CCNT1: variants seen among roughly 807,000 people sequenced by gnomAD.
CCNT1 encodes the protein cyclin T1.
Under a neutral mutation model 67.3 loss-of-function variants are expected in CCNT1, and 18 were observed. The observed-to-expected ratio is 0.27, with a 90% CI of 0.18 to 0.40. The LOEUF (loss-of-function observed/expected upper bound fraction) is 0.40, where lower values mean the gene tolerates loss of function less well. Ranked by LOEUF, CCNT1 falls within the 10% of genes least tolerant of loss-of-function variation. CCNT1 has a pLI of 1.00. For synonymous variants in CCNT1, 333 were observed against 310.3 expected (o/e 1.07, Z -0.77); for missense variants, 744 against 884.9 (o/e 0.84, Z 2.02).
Position 48,699,843 on chromosome 12 carries a change from T to G in CCNT1, c.434-3A>C, listed in dbSNP as rs1476829512. 1 of 1,583,600 alleles carries G rather than the reference T, an allele frequency of 6.3e-7. No individual in the cohort carries two copies. The highest frequency in any genetic ancestry group is 1.4e-5 in the African/African-American group (1 of 74,030). On this transcript the variant is annotated splice_polypyrimidine_tract_variant and splice_region_variant and intron_variant, in intron 4 of 8. Transcript: ENST00000261900. ...GTGATCAATTGTTAGTTCAAAGCCT[T>G]AAAAGAAAAAGTAATGGATTAAAAA...
At chr12:48,702,600 T>C (rs531979944) in intron 3 of CCNT1, among the ~76,000 whole-genome samples, 3 of 152,254 alleles carry the variant, frequency 2.0e-5, no homozygotes, top group African/African-American at 4.8e-5. Context: ...CTGGCCAATA[T>C]GGTGAAACCC....
chr12:48,698,096 C>G, intron 6 of CCNT1, 42 bp downstream of exon 6: 1 of 1,342,800 alleles, frequency 7.4e-7, no homozygotes, highest in Non-Finnish European at 1.0e-6. Context: ...AAGTAAAGTC[C>G]TATACCAAAA....
intron 6 of CCNT1, 86 bp downstream of exon 6, chr12:48,698,052 C>T (rs1940205771): frequency 2.7e-6 from 2 of 738,830 alleles, no homozygotes; most frequent in Non-Finnish European, 4.2e-6. Context: ...CAACATTCAC[C>T]AGAGAATTAT....
intron 5 of CCNT1, among the ~76,000 whole-genome samples, chr12:48,698,951 C>T (rs4760741): frequency 0.024 from 3,640 of 149,002 alleles, 284 homozygotes; most frequent in Admixed American, 0.15. Flanking sequence ...AGCAAAACTC[C>T]GTCTCAAAAA....
chr12:48,707,943 G>T (rs891035153), intron 2 of CCNT1, among the ~76,000 whole-genome samples: 1 of 151,412 alleles, frequency 6.6e-6, no homozygotes, highest in Non-Finnish European at 1.5e-5. Flanking sequence ...CACCACTCAG[G>T]AGTCTTGTAG....
At chr12:48,705,290 G>A (rs897757345) in intron 3 of CCNT1, among the ~76,000 whole-genome samples, 1 of 151,600 alleles carries the variant, frequency 6.6e-6, no homozygotes, top group Non-Finnish European at 1.5e-5. Context: ...TTTTGTTGTT[G>A]TTGTTGTTGT....
intron 6 of CCNT1, among the ~76,000 whole-genome samples, chr12:48,697,047 TG>T (rs1373442826): frequency 6.6e-6 from 1 of 152,116 alleles, no homozygotes; most frequent in Non-Finnish European, 1.5e-5. Flanking sequence ...TTGGCCAGGT[TG>T]GTCTCGAACT....
At position 48,693,887 on chromosome 12, in the gene CCNT1, C is replaced by A. The variant is rs1161348111; in HGVS notation, c.1327G>T (p.Gly443Cys). ...SSVILKMPIE[G>C]SENPERPFLE... ...AAAGGCCGCTCGGGGTTTTCTGAAC[C>A]CTCTATGGGCATTTTTAGAATGACT... Residue 443 changes from glycine (G) to cysteine (C), a missense_variant, in exon 9 of 9, where the codon GGT becomes TGT. Physicochemically the swap from Gly to Cys is radical, Grantham distance 159 (BLOSUM62 -3). Transcript: ENST00000261900. 1.2e-6 allele frequency: 2 copies of A among 1,614,010 alleles called. No homozygotes were observed. Among genetic ancestry groups the A allele is most frequent in the Admixed American group, 3.3e-5 (2 of 60,012 alleles).
At chr12:48,705,281 T>TTTG (rs60219074) in intron 3 of CCNT1, among the ~76,000 whole-genome samples, 10,748 of 150,908 alleles carry the variant, frequency 0.071, 1,128 homozygotes, top group East Asian at 0.52. Context: ...CCAGTTGTTT[T>TTTG]TTGTTGTTGT....
At chr12:48,706,429 C>T (rs1006020234) in intron 2 of CCNT1, among the ~76,000 whole-genome samples, 9 of 152,122 alleles carry the variant, frequency 5.9e-5, no homozygotes, top group Admixed American at 1.3e-4. Flanking sequence ...TTTAAACAAA[C>T]GAATTTCATT....
At chr12:48,701,996 A>G (rs1940278550) in intron 3 of CCNT1, among the ~76,000 whole-genome samples, 1 of 151,998 alleles carries the variant, frequency 6.6e-6, no homozygotes, top group Admixed American at 6.6e-5. Context: ...TCCCAGGTTC[A>G]AGCGATTCTC....
Position 48,709,087 on chromosome 12 carries a change from T to TG in CCNT1, c.244-3192dup, listed in dbSNP as rs137985512. Among the ~76,000 whole-genome samples, 277 of 152,012 alleles carry TG rather than the reference T, an allele frequency of 1.8e-3. 8 individuals carry two copies. In the East Asian group the frequency reaches 0.043, roughly 24 times the overall value. On this transcript the variant is annotated intron_variant, in intron 2 of 8. Transcript: ENST00000261900. ...ACAGAGTAAAAACCTATCTTGGGGT[T>TG]GGGGGGGACTATAACTAACTGAACA...
In CCNT1 at chr12:48,693,548, G is replaced by A; in HGVS notation, c.1666C>T (p.His556Tyr). 1 of 1,614,194 alleles carries A rather than the reference G, an allele frequency of 6.2e-7. No homozygotes were observed. Among genetic ancestry groups the A allele is most frequent in the South Asian group, 1.1e-5 (1 of 91,080 alleles). ...GAACTAGACAAGCTATAGGTTTTATGTGCTAAGTTGCTTGTCTGGCTACTA... is the reference window on the plus strand; with the variant it reads ...GAACTAGACAAGCTATAGGTTTTATATGCTAAGTTGCTTGTCTGGCTACTA... Reference protein sequence around the residue: ...KHSSQTSNLAHKTYSLSSSFS... With the variant: ...KHSSQTSNLAYKTYSLSSSFS... The change falls in exon 9 of 9, where the codon CAT (histidine) becomes TAT (tyrosine). Residue 556 changes from histidine to tyrosine, a missense_variant. This residue lies in a region of CCNT1 where 564 missense variants were observed against 574.2 expected (regional missense o/e 0.98). Transcript: ENST00000261900.
chr12:48,706,304 G>C (rs1940359702), intron 2 of CCNT1, among the ~76,000 whole-genome samples: 1 of 152,170 alleles, frequency 6.6e-6, no homozygotes, highest in Non-Finnish European at 1.5e-5. Flanking sequence ...GAGGAGTATA[G>C]GAATAACTGC....
At chr12:48,709,977 A>G (rs1419489742) in intron 2 of CCNT1, among the ~76,000 whole-genome samples, 1 of 149,380 alleles carries the variant, frequency 6.7e-6, no homozygotes, top group East Asian at 1.9e-4. Context: ...TGCAACCTCC[A>G]CCTCCCGGGT....
intron 4 of CCNT1, 52 bp downstream of exon 4, chr12:48,700,961 A>G (rs1940255837): frequency 8.9e-7 from 1 of 1,119,200 alleles, no homozygotes; most frequent in East Asian, 2.4e-5. Flanking sequence ...TTTAGAATCA[A>G]ATCATTTTAT....
chr12:48,714,688 AAATT>A (rs1565622678), intron 1 of CCNT1, among the ~76,000 whole-genome samples, 164 bp from the exon 2 acceptor site: 1 of 152,252 alleles, frequency 6.6e-6, no homozygotes, highest in South Asian at 2.1e-4. Context: ...TTCTTTCACC[AAATT>A]ATTAATCGCC....
chr12:48,709,587 T>C (rs144612244), intron 2 of CCNT1, among the ~76,000 whole-genome samples: 151 of 152,236 alleles, frequency 9.9e-4, no homozygotes, highest in African/African-American at 3.5e-3. Context: ...ACAAATACCA[T>C]GTGGCAAATT....
rs1344270831 is a variant in CCNT1, at chr12:48,690,955, C to T, written c.*2078G>A. The T allele has an allele frequency of 6.6e-6, 1 of 152,178 alleles. No homozygotes were observed. Among genetic ancestry groups the T allele is most frequent in the Non-Finnish European group, 1.5e-5 (1 of 68,038 alleles). The allele number at this position is 152,178 out of a possible 1,614,324, so 9.4% of individuals were successfully genotyped here. On this transcript the variant is annotated 3_prime_UTR_variant, in exon 9 of 9. Transcript: ENST00000261900. ...GGAAACAGACTCCAACAAACAAAAT[C>T]TAAATAAATAGAAGCCCTAAATGTA... is the stretch of plus-strand genomic sequence containing the variant.
Sources: allele counts gnomAD v4.1 joint callset (sites outside exome capture counted in the v4.1 genomes callset), GRCh38; gene constraint gnomAD v4.1.1; regional missense constraint gnomAD v4.1.1; transcripts MANE v1.5; gene names NCBI Gene and HGNC (gene_info 2026-07-23, HGNC 2026-07-21).